The following ZNF75D variants were observed in gnomAD, a reference collection of about 807,000 sequenced individuals.
ZNF75D encodes zinc finger protein 75D.
A neutral mutation model predicts 33.3 loss-of-function variants in ZNF75D; 33 were observed. The ratio of observed to expected loss-of-function variants is 0.99; its 90% CI spans 0.75 to 1.32. The LOEUF (loss-of-function observed/expected upper bound fraction) is 1.32, where lower values mean the gene tolerates loss of function less well. Ranked by LOEUF, ZNF75D falls within the 40% of genes most tolerant of loss-of-function variation. ZNF75D has a pLI of 0.00. For missense variants in ZNF75D, 338 were observed against 367.5 expected (o/e 0.92, Z 0.66); for synonymous variants, 113 against 130.6 (o/e 0.87, Z 0.92).
chrX:135,280,920 A>G (rs782073426), downstream of ZNF75D, among the ~76,000 whole-genome samples: 1 of 110,984 alleles, frequency 9.0e-6, no homozygotes, highest in East Asian at 2.9e-4. Flanking sequence ...TGCCCTTAAC[A>G]TTTTTTCCTT....
chrX:135,299,820 T>C (rs1436540480), intron 1 of ZNF75D, among the ~76,000 whole-genome samples: 1 of 112,060 alleles, frequency 8.9e-6, no homozygotes, highest in African/African-American at 3.2e-5. Flanking sequence ...GTACAACTTC[T>C]TTTTTTTGCA....
intron 1 of ZNF75D, among the ~76,000 whole-genome samples, chrX:135,272,621 G>T (rs965357590): frequency 9.0e-6 from 1 of 110,533 alleles, no homozygotes; most frequent in Non-Finnish European, 1.9e-5. Flanking sequence ...TAAAAGTGCA[G>T]AACACAATAA....
chrX:135,324,404 T>C (rs2084535209), intron 1 of ZNF75D, among the ~76,000 whole-genome samples: 1 of 112,656 alleles, frequency 8.9e-6, no homozygotes. Context: ...CATTGTCTTA[T>C]TATGTGTGGA....
chrX:135,287,574 T>C lies in ZNF75D; in HGVS notation c.1096A>G (p.Lys366Glu). 8.3e-7 allele frequency: 1 copy of C among 1,211,858 alleles called. No homozygotes were observed. ...GKGPTGEKPF[K>E]CQECGKSFRV... Reference sequence around the variant, plus strand: ...AAGCTTTTCCCACATTCCTGACACTTAAAAGGTTTCTCCCCTGTGGGGCCT... The same window carrying C: ...AAGCTTTTCCCACATTCCTGACACTCAAAAGGTTTCTCCCCTGTGGGGCCT... The change falls in exon 7 of 7, where the codon AAG becomes GAG. Residue 366 changes from lysine to glutamate, a missense_variant. Lys to Glu is a moderately conservative substitution (Grantham distance 56). This residue lies in a region of ZNF75D where 254 missense variants were observed against 267.7 expected (regional missense o/e 0.95). Coordinates refer to ENST00000370766, the MANE Select transcript of ZNF75D (RefSeq NM_007131.5).
intron 1 of ZNF75D, among the ~76,000 whole-genome samples, chrX:135,256,170 A>G (rs782813852): frequency 3.5e-5 from 2 of 57,361 alleles, no homozygotes; most frequent in Non-Finnish European, 6.4e-5. Flanking sequence ...TGCCACAAGA[A>G]CCAAGAATTA....
chrX:135,321,705 G>T (rs2084497640), intron 1 of ZNF75D, among the ~76,000 whole-genome samples: 1 of 112,362 alleles, frequency 8.9e-6, no homozygotes, highest in South Asian at 3.7e-4. Context: ...GTGAATGTGA[G>T]AAGTATGTAA....
intron 1 of ZNF75D, among the ~76,000 whole-genome samples, chrX:135,269,280 C>T (rs1556416652): frequency 9.0e-6 from 1 of 111,483 alleles, no homozygotes; most frequent in African/African-American, 3.3e-5. Flanking sequence ...ACCTTCTGCA[C>T]AGCAAAAGAA....
intron 1 of ZNF75D, among the ~76,000 whole-genome samples, chrX:135,278,285 ATCTG>A (rs1460081534): frequency 8.1e-5 from 9 of 110,480 alleles, no homozygotes; most frequent in Non-Finnish European, 1.1e-4. Context: ...GATTTGGCTC[ATCTG>A]TCTATTATTG....
At chrX:135,259,836 T>C (rs781790150) in intron 1 of ZNF75D, among the ~76,000 whole-genome samples, 3 of 112,091 alleles carry the variant, frequency 2.7e-5, no homozygotes, top group Non-Finnish European at 5.6e-5. Context: ...CTATGTTGAA[T>C]AGGAGTGGTG....
chrX:135,275,839 C>T lies in ZNF75D; in HGVS notation n.828-20062G>A, dbSNP rs1436493806. On this transcript the variant is annotated intron_variant and non_coding_transcript_variant, in intron 1 of 3. Transcript: ENST00000494295. Reference sequence around the variant, plus strand: ...AACACACCAGCTTTTTAACCTTACACTAACTTTTGGGATTTTAGGCTTCCT... The same window carrying T: ...AACACACCAGCTTTTTAACCTTACATTAACTTTTGGGATTTTAGGCTTCCT... Among the ~76,000 whole-genome samples the T allele has an allele frequency of 4.5e-5, 5 of 111,260 alleles. No individual in the cohort carries two copies. The Admixed American group carries it at 4.8e-4, about 11-fold the overall frequency.
rs2084040315 is a variant in ZNF75D, at chrX:135,291,563, G to T, written c.605C>A (p.Ala202Asp). The change falls in exon 5 of 7, where the codon GCT becomes GAT. Residue 202 changes from alanine (A) to aspartate (D), a missense_variant and splice_region_variant. Physicochemically the swap from Ala to Asp is moderately radical, Grantham distance 126 (BLOSUM62 -2). Transcript: ENST00000370766. ...GGCTAACATCTGTTGATCATGCACA[G>T]CTGTGGGTAGAAAATAGCCAGGGAA... ...HKETQPVYER[A>D]VHDQQMLALS... The T allele has an allele frequency of 2.5e-6, 3 of 1,206,348 alleles. No individual in the cohort carries two copies. In the African/African-American group the frequency reaches 5.2e-5, roughly 21 times the overall value.
chrX:135,306,141 C>T (rs1336735983), intron 1 of ZNF75D, among the ~76,000 whole-genome samples: 1 of 110,673 alleles, frequency 9.0e-6, no homozygotes, highest in Non-Finnish European at 1.9e-5. Context: ...GATTTAGAGG[C>T]CAGACTGGGT....
At chrX:135,285,573 G>A (rs1402389079), downstream of ZNF75D, among the ~76,000 whole-genome samples, 1 of 112,695 alleles carries the variant, frequency 8.9e-6, no homozygotes, top group East Asian at 2.8e-4. Flanking sequence ...GGTGAAGGAA[G>A]AATGAAGAAA....
rs576040545 is a variant in ZNF75D at position 135,266,132 on chromosome X, A to G, written n.828-10355T>C. Among the ~76,000 whole-genome samples, 24 of 111,833 alleles carry G rather than the reference A, an allele frequency of 2.1e-4. 1 individual carries two copies. Among genetic ancestry groups the G allele is most frequent in the African/African-American group, 7.1e-4 (22 of 30,852 alleles). Reference sequence around the variant, plus strand: ...TCAAAAAACATATAACACATACACAAAAATAAAATGCAAGAAATTAAAACA... The same window carrying G: ...TCAAAAAACATATAACACATACACAGAAATAAAATGCAAGAAATTAAAACA... On this transcript the variant is annotated intron_variant and non_coding_transcript_variant, in intron 1 of 3. Transcript: ENST00000494295.
At chrX:135,258,009 G>C (rs2083815069) in intron 1 of ZNF75D, among the ~76,000 whole-genome samples, 1 of 108,533 alleles carries the variant, frequency 9.2e-6, no homozygotes, top group South Asian at 4.0e-4. Context: ...TCCCTGCCCT[G>C]TGTCCAAGTG....
intron 1 of ZNF75D, among the ~76,000 whole-genome samples, chrX:135,317,195 T>A (rs1483022790): frequency 8.9e-6 from 1 of 111,923 alleles, no homozygotes; most frequent in South Asian, 3.7e-4. Flanking sequence ...TCTGGGTGCA[T>A]GAAGTAGTGT....
At chrX:135,294,309 C>T in intron 2 of ZNF75D, 51 bp from the exon 3 acceptor site, 1 of 367,109 alleles carries the variant, frequency 2.7e-6, no homozygotes, top group Admixed American at 4.8e-5. Flanking sequence ...TCACATGACA[C>T]ATATTTACTT....
downstream of ZNF75D, among the ~76,000 whole-genome samples, chrX:135,283,366 C>G (rs1602593483): frequency 8.9e-6 from 1 of 111,868 alleles, no homozygotes; most frequent in Non-Finnish European, 1.9e-5. Context: ...AATGGGAGGG[C>G]TTTGCTGTTG....
chrX:135,305,930 T>A (rs908518897), intron 1 of ZNF75D, among the ~76,000 whole-genome samples: 2 of 111,449 alleles, frequency 1.8e-5, no homozygotes, highest in Non-Finnish European at 1.9e-5. Context: ...ACAGTTGCAT[T>A]ATGGGAAGGA....
Sources: allele counts gnomAD v4.1 joint callset (sites outside exome capture counted in the v4.1 genomes callset), GRCh38; gene constraint gnomAD v4.1.1; regional missense constraint gnomAD v4.1.1; transcripts MANE v1.5; gene names NCBI Gene and HGNC (gene_info 2026-07-23, HGNC 2026-07-21).